Variants in OTC observed in about 807,000 individuals in gnomAD.
The protein encoded by OTC is ornithine transcarbamylase.
A neutral mutation model predicts 30.3 loss-of-function variants in OTC; 3 were observed. The observed-to-expected ratio is 0.10, with a 90% CI of 0.05 to 0.26. OTC has a LOEUF of 0.26. Ranked by LOEUF, OTC falls within the 10% of genes least tolerant of loss-of-function variation. OTC has a pLI of 1.00. For synonymous variants in OTC, 111 were observed against 99.7 expected, an observed-to-expected ratio of 1.11 and a Z score of -0.67; for missense variants, 194 against 260.3, an observed-to-expected ratio of 0.75 and a Z score of 1.75.
intron 6 of OTC, among the ~76,000 whole-genome samples, chrX:38,405,620 A>G (rs1218183293): frequency 1.8e-5 from 2 of 111,651 alleles, no homozygotes; most frequent in Non-Finnish European, 3.8e-5. Context: ...GAAGAACACT[A>G]TTCAACCAAG....
rs1019468190 is a variant in OTC, at chrX:38,356,005, G to A, written c.77+3232G>A. ...GGAGGTTGCAGTGAGCCGAGATCGC[G>A]CCAATGCACTCCAGCCACCTGGGTG... is the stretch of plus-strand genomic sequence containing the variant. On this transcript the variant is annotated intron_variant, in intron 1 of 9. Coordinates refer to ENST00000039007, the MANE Select transcript of OTC (RefSeq NM_000531.6). Among the ~76,000 whole-genome samples, 22 of 98,707 alleles carry A rather than the reference G, an allele frequency of 2.2e-4. No individual in the cohort carries two copies. In the Admixed American group the frequency reaches 2.3e-3, roughly 10 times the overall value. The allele number at this position is 98,707 out of a possible 115,157, so 85.7% of individuals were successfully genotyped here. A position where few individuals can be genotyped will look rare whatever the true frequency, so the allele number is the denominator to read the frequency against.
At chrX:38,391,161 G>A (rs764293153) in intron 4 of OTC, among the ~76,000 whole-genome samples, 2 of 109,949 alleles carry the variant, frequency 1.8e-5, no homozygotes, top group African/African-American at 6.6e-5. Context: ...ACCAAACACC[G>A]CATGTTCTCA....
intron 4 of OTC, among the ~76,000 whole-genome samples, chrX:38,388,608 G>A (rs942179630): frequency 2.7e-5 from 3 of 111,321 alleles, no homozygotes; most frequent in African/African-American, 9.8e-5. Flanking sequence ...TGTTTCTTCT[G>A]TAATGACAGC....
In OTC at chrX:38,401,410, T is replaced by G. The variant is rs749594331; in HGVS notation, c.522T>G (p.Ala174=). The G allele has an allele frequency of 4.1e-6, 5 of 1,207,297 alleles. No individual in the cohort carries two copies. In the South Asian group the frequency reaches 7.0e-5, roughly 17 times the overall value. The change falls in exon 5 of 10, where the codon GCT becomes GCG. Residue 174 remains alanine (A), a synonymous_variant. Transcript: ENST00000039007. ...TGTACCATCCTATCCAGATCCTGGC[T>G]GATTACCTCACGCTCCAGGTTGGTT... ...SDLYHPIQIL[A]DYLTLQEHYS... is the part of the protein sequence containing the mutation.
the OTC span, among the ~76,000 whole-genome samples, chrX:38,333,335 G>A: frequency 1.7e-4 from 19 of 111,650 alleles, no homozygotes; most frequent in African/African-American, 5.9e-4. Context: ...CTGCAGAGAG[G>A]CTGGGAAATG....
Position 38,400,589 on chromosome X carries a change from C to T in OTC, c.387-686C>T, listed in dbSNP as rs753193201. On this transcript the variant is annotated intron_variant, in intron 4 of 9. Coordinates refer to ENST00000039007, the MANE Select transcript of OTC (RefSeq NM_000531.6). Reference sequence around the variant, plus strand: ...GTAGGGAGAGAGCCTCAGCCAGTAGCGCAGCTCTGAGAAAGTCTCAGCCAG... The same window carrying T: ...GTAGGGAGAGAGCCTCAGCCAGTAGTGCAGCTCTGAGAAAGTCTCAGCCAG... Among the ~76,000 whole-genome samples, 14 of 111,967 alleles carry T rather than the reference C, an allele frequency of 1.3e-4. No homozygotes were observed. In the South Asian group the frequency reaches 4.2e-3, roughly 33 times the overall value.
intron 2 of OTC, among the ~76,000 whole-genome samples, chrX:38,368,786 A>G (rs1183299465): frequency 9.9e-6 from 1 of 101,160 alleles, no homozygotes; most frequent in Non-Finnish European, 2.0e-5. Context: ...CTATGGGTTG[A>G]TGTTCCTATA....
intron 1 of OTC, among the ~76,000 whole-genome samples, chrX:38,354,660 C>A (rs1412134166): frequency 9.0e-6 from 1 of 110,988 alleles, no homozygotes; most frequent in African/African-American, 3.3e-5. Flanking sequence ...ATGGCTAAAT[C>A]GGCCCAAATC....
At chrX:38,373,434 CTA>C (rs1199917152) in intron 3 of OTC, among the ~76,000 whole-genome samples, 1 of 112,746 alleles carries the variant, frequency 8.9e-6, no homozygotes, top group African/African-American at 3.2e-5. Context: ...GACAATTCTC[CTA>C]TGAGTCTACC....
intron 4 of OTC, among the ~76,000 whole-genome samples, chrX:38,386,077 G>C (rs1160196703): frequency 9.9e-6 from 1 of 101,479 alleles, no homozygotes; most frequent in African/African-American, 3.7e-5. Context: ...ACAGAGCAAG[G>C]CTCTGTTAAA....
intron 4 of OTC, among the ~76,000 whole-genome samples, chrX:38,400,969 G>A (rs1031257796): frequency 2.7e-5 from 3 of 112,267 alleles, no homozygotes; most frequent in Non-Finnish European, 5.6e-5. Context: ...CTTGCTTTTG[G>A]TCTTGTCCCT....
chrX:38,410,037 T>C (rs1362314975), intron 8 of OTC, among the ~76,000 whole-genome samples: 1 of 111,527 alleles, frequency 9.0e-6, no homozygotes, highest in Non-Finnish European at 1.9e-5. Context: ...TTTTAGACAT[T>C]ACTTATTTAT....
chrX:38,370,102 G>A (rs1242739332), intron 3 of OTC, among the ~76,000 whole-genome samples: 9 of 112,863 alleles, frequency 8.0e-5, no homozygotes, highest in African/African-American at 2.9e-4. Context: ...AAGGAACTGA[G>A]TAGAAGTTCC....
intron 4 of OTC, among the ~76,000 whole-genome samples, chrX:38,390,569 G>A (rs1427571692): frequency 8.9e-6 from 1 of 112,550 alleles, no homozygotes; most frequent in South Asian, 3.7e-4. Context: ...AGAAACTGGA[G>A]TTTAGAGGGC....
chrX:38,378,711 C>T (rs1299705992), intron 3 of OTC, among the ~76,000 whole-genome samples: 3 of 112,354 alleles, frequency 2.7e-5, no homozygotes, highest in Non-Finnish European at 5.6e-5. Flanking sequence ...AGTTACTCCA[C>T]AGACATGAGA....
rs1465869489 is a variant in OTC at position 38,369,783 on chromosome X, C to T, written c.217-13C>T. ...AGATATATTTTAATTCTATTCTTGT[C>T]CTTGATTTATAGTATTTGCCTTTAT... On this transcript the variant is annotated splice_polypyrimidine_tract_variant and intron_variant, in intron 2 of 9. Coordinates refer to ENST00000039007, the MANE Select transcript of OTC (RefSeq NM_000531.6). The T allele has an allele frequency of 9.6e-7, 1 of 1,045,713 alleles. No individual in the cohort carries two copies. Among genetic ancestry groups the T allele is most frequent in the East Asian group, 3.0e-5 (1 of 32,833 alleles). 86.2% of individuals were successfully genotyped at this position (1,045,713 alleles called of 1,213,427 possible).
chrX:38,357,669 T>C (rs1423333237), intron 1 of OTC, among the ~76,000 whole-genome samples: 2 of 112,359 alleles, frequency 1.8e-5, no homozygotes, highest in Non-Finnish European at 3.8e-5. Context: ...AGTTGGAAAA[T>C]GCAGACACTA....
At chrX:38,414,657 T>A (rs972430096) in intron 9 of OTC, among the ~76,000 whole-genome samples, 4 of 111,823 alleles carry the variant, frequency 3.6e-5, no homozygotes, top group African/African-American at 1.3e-4. Context: ...GCCATAGAGA[T>A]GGCAAATGAG....
chrX:38,368,595 A>T (rs2068308527), intron 2 of OTC, among the ~76,000 whole-genome samples: 1 of 107,652 alleles, frequency 9.3e-6, no homozygotes, highest in Non-Finnish European at 1.9e-5. Flanking sequence ...TCGAAAGACA[A>T]TTAATACAGT....
Sources: gnomAD v4.1 joint callset for allele counts (sites outside exome capture counted in the v4.1 genomes callset) on GRCh38, gnomAD v4.1.1 for gene constraint, MANE v1.5 for transcripts, NCBI Gene and HGNC (gene_info 2026-07-23, HGNC 2026-07-21) for gene names.